The following PGM5 variants were observed in gnomAD, a reference collection of about 807,000 sequenced individuals.
PGM5 encodes the protein phosphoglucomutase 5.
A neutral mutation model predicts 59.2 loss-of-function variants in PGM5; 23 were observed. The ratio of observed to expected loss-of-function variants is 0.39; its 90% CI spans 0.28 to 0.55. PGM5 has a LOEUF of 0.55. Ranked by LOEUF, PGM5 falls within the 20% of genes least tolerant of loss-of-function variation. The probability of loss-of-function intolerance (pLI) is 0.66; values close to 1 mark genes in which losing one functional copy is unlikely to be tolerated. For missense variants in PGM5, 574 were observed against 748.3 expected (o/e 0.77, Z 2.72); for synonymous variants, 214 against 286.0 (o/e 0.75, Z 2.54).
intron 10 of PGM5, among the ~76,000 whole-genome samples, chr9:68,522,580 T>C (rs1824915500): frequency 6.6e-6 from 1 of 152,244 alleles, no homozygotes; most frequent in African/African-American, 2.4e-5. Context: ...GGTAGAATAC[T>C]GGACCATGAT....
chr9:68,515,770 A>T (rs1286440176), intron 10 of PGM5, among the ~76,000 whole-genome samples: 1 of 152,198 alleles, frequency 6.6e-6, no homozygotes, highest in Admixed American at 6.5e-5. Context: ...GATAACATGA[A>T]CTTTATTTTA....
chr9:68,428,426 C>G (rs1482327108), intron 6 of PGM5, among the ~76,000 whole-genome samples: 5 of 152,086 alleles, frequency 3.3e-5, no homozygotes. Flanking sequence ...TTTCATTATC[C>G]CAAATTTGTA....
At chr9:68,517,900 A>G (rs1198349293) in intron 10 of PGM5, among the ~76,000 whole-genome samples, 1 of 152,254 alleles carries the variant, frequency 6.6e-6, no homozygotes, top group African/African-American at 2.4e-5. Flanking sequence ...GTTGGCACTC[A>G]GGAAAATGAG....
chr9:68,488,032 G>A lies in PGM5; in HGVS notation c.1479+3984G>A, dbSNP rs570538932. On this transcript the variant is annotated intron_variant, in intron 9 of 10. Coordinates refer to ENST00000396396, the MANE Select transcript of PGM5 (RefSeq NM_021965.4). ...GTGAGATGACACTTATAAAATCCTG[G>A]CACATAACAAATGATAACAATTGGT... 9.9e-5 allele frequency among the ~76,000 whole-genome samples: 15 copies of A among 152,222 alleles called. 1 individual carries two copies. Among genetic ancestry groups the A allele is most frequent in the South Asian group, 8.3e-4 (4 of 4,824 alleles).
rs1554679098 is a variant in PGM5, at chr9:68,388,373, G to A, written c.697+785G>A. On this transcript the variant is annotated intron_variant, in intron 4 of 10. Transcript: ENST00000396396. ...CTCTTAATCCTCAAGCTCTCCGCTA[G>A]TGTCTAAATCTTCCTTCACTTCATT... Among the ~76,000 whole-genome samples the A allele has an allele frequency of 6.8e-5, 10 of 147,336 alleles. 1 individual carries two copies. The South Asian group carries it at 2.2e-3, about 33-fold the overall frequency.
chr9:68,499,401 C>T (rs1824534750), intron 10 of PGM5, 40 bp downstream of exon 10: 2 of 1,597,236 alleles, frequency 1.3e-6, no homozygotes, highest in African/African-American at 1.3e-5. Flanking sequence ...TGTCTCGCAG[C>T]TCCTGGCAAA....
intron 6 of PGM5, among the ~76,000 whole-genome samples, chr9:68,416,320 A>T (rs1248300696): frequency 6.6e-6 from 1 of 152,206 alleles, no homozygotes; most frequent in Admixed American, 6.5e-5. Context: ...TAAATACGTC[A>T]GCTCCTTTAA....
intron 7 of PGM5, chr9:68,466,252 T>G: frequency 8.6e-7 from 1 of 1,167,444 alleles, no homozygotes; most frequent in Non-Finnish European, 1.1e-6. Context: ...AAGGAATTCT[T>G]CTTCTCCGAT....
chr9:68,493,185 C>T (rs1156426493), intron 9 of PGM5, among the ~76,000 whole-genome samples: 1 of 152,134 alleles, frequency 6.6e-6, no homozygotes, highest in Non-Finnish European at 1.5e-5. Context: ...ACAACATGTC[C>T]TACAGTCTCC....
intron 7 of PGM5, 112 bp downstream of exon 7, chr9:68,465,320 C>CA (rs574245459): frequency 5.0e-5 from 35 of 700,716 alleles, no homozygotes; most frequent in Middle Eastern, 2.6e-4. Context: ...TAAGTAGAGG[C>CA]AAAAAATCAG....
chr9:68,412,207 C>A (rs1181875969), intron 6 of PGM5, among the ~76,000 whole-genome samples: 1 of 151,960 alleles, frequency 6.6e-6, no homozygotes, highest in Non-Finnish European at 1.5e-5. Flanking sequence ...AAGAAGCACT[C>A]AGTGACTATT....
intron 4 of PGM5, among the ~76,000 whole-genome samples, chr9:68,389,989 C>A (rs1487719517): frequency 2.0e-5 from 3 of 152,106 alleles, no homozygotes; most frequent in Non-Finnish European, 2.9e-5. Context: ...AAAAAGTTTT[C>A]TTTTCCCTGT....
intron 9 of PGM5, 21 bp downstream of exon 9, chr9:68,484,069 A>G (rs1564018115): frequency 1.2e-6 from 2 of 1,608,066 alleles, no homozygotes; most frequent in South Asian, 1.1e-5. Context: ...GGAAATCACT[A>G]CAACGGGTTA....
At chr9:68,481,373 AGGACAGGTAGAAAC>A (rs1265525220) in intron 8 of PGM5, among the ~76,000 whole-genome samples, 3 of 152,254 alleles carry the variant, frequency 2.0e-5, no homozygotes, top group African/African-American at 7.2e-5. Context: ...ATGAATTCTC[AGGACAGGTAGAAAC>A]TTGGTTTACT....
chr9:68,474,695 T>A (rs1824076535), intron 7 of PGM5, among the ~76,000 whole-genome samples: 1 of 151,642 alleles, frequency 6.6e-6, no homozygotes, highest in African/African-American at 2.4e-5. Flanking sequence ...TAAGATTGCG[T>A]GGGCTTTGGG....
At chr9:68,365,631 C>T (rs1230112563) in intron 1 of PGM5, among the ~76,000 whole-genome samples, 3 of 152,226 alleles carry the variant, frequency 2.0e-5, no homozygotes, top group East Asian at 1.9e-4. Context: ...AGTCTGAAGT[C>T]GTAGAAGCAT....
chr9:68,357,598 C>T lies in PGM5; in HGVS notation c.261+210C>T, dbSNP rs1587765360. The T allele has an allele frequency of 2.4e-5, 18 of 742,664 alleles. No individual in the cohort carries two copies. The East Asian group carries it at 4.8e-4, about 20-fold the overall frequency. The allele number at this position is 742,664 out of a possible 1,614,324, so 46.0% of individuals were successfully genotyped here. A position where few individuals can be genotyped will look rare whatever the true frequency, so the allele number is the denominator to read the frequency against. On this transcript the variant is annotated intron_variant, in intron 1 of 10. Coordinates refer to ENST00000396396, the MANE Select transcript of PGM5 (RefSeq NM_021965.4). ...CCCCGGACACTGGGTTCTATTAGTA[C>T]CCACCGCCCCCAAAAGCCTTGAGGG...
intron 6 of PGM5, among the ~76,000 whole-genome samples, chr9:68,427,331 A>G (rs1013463202): frequency 1.6e-4 from 25 of 152,166 alleles, no homozygotes; most frequent in African/African-American, 6.0e-4. Flanking sequence ...ACAGAGATGG[A>G]GGTGACAGAA....
In PGM5 at chr9:68,418,830, C is replaced by T. The variant is rs1485959473; in HGVS notation, c.1043+26357C>T. ...ACCAGCCTAAACCCCCTCTAGCACC[C>T]CATGGCCTCTTGCTTGGGGTGTCAG... On this transcript the variant is annotated intron_variant, in intron 6 of 10. Coordinates refer to ENST00000396396, the MANE Select transcript of PGM5 (RefSeq NM_021965.4). Among the ~76,000 whole-genome samples the T allele has an allele frequency of 3.9e-5, 6 of 152,066 alleles. No homozygotes were observed. The East Asian group carries it at 1.2e-3, about 29-fold the overall frequency.
Sources: allele counts gnomAD v4.1 joint callset (sites outside exome capture counted in the v4.1 genomes callset), GRCh38; gene constraint gnomAD v4.1.1; transcripts MANE v1.5; gene names NCBI Gene and HGNC (gene_info 2026-07-23, HGNC 2026-07-21).